IRAG1: variants seen among roughly 807,000 people sequenced by gnomAD.
IRAG1 encodes inositol 1,4,5-triphosphate receptor associated 1, also known as IP3R-associated cGMP kinase substrate.
In IRAG1, 62 loss-of-function variants were observed where a neutral mutation model predicts 106.2. That is an observed-to-expected ratio of 0.58 (90% CI 0.48 to 0.72). The LOEUF (loss-of-function observed/expected upper bound fraction) is 0.72. IRAG1 is among the 30% of genes least tolerant of loss of function. The pLI is 0.00. For synonymous variants in IRAG1, 462 were observed against 443.9 expected (o/e 1.04, Z -0.51); for missense variants, 1,064 against 1,140.7 (o/e 0.93, Z 0.97).
chr11:10,616,994 G>A (rs554852485), intron 10 of IRAG1: 2 of 982,118 alleles, frequency 2.0e-6, no homozygotes, highest in South Asian at 4.7e-5. Context: ...GTCCCAGGAT[G>A]GTTCCTAAAA....
intron 18 of IRAG1, among the ~76,000 whole-genome samples, chr11:10,584,865 A>G (rs1851788742): frequency 6.6e-6 from 1 of 152,042 alleles, no homozygotes; most frequent in East Asian, 1.9e-4. Flanking sequence ...GGAATATGGC[A>G]CTCAACAAAT....
chr11:10,686,450 C>G (rs1351425619), intron 1 of IRAG1, among the ~76,000 whole-genome samples: 1 of 152,192 alleles, frequency 6.6e-6, no homozygotes, highest in Admixed American at 6.5e-5. Context: ...GAGGAAGGAA[C>G]TTGTTCATAA....
chr11:10,693,270 C>T lies in IRAG1; in HGVS notation c.67+266G>A, dbSNP rs55730838. Among the ~76,000 whole-genome samples, 1,203 of 152,330 alleles carry T rather than the reference C, an allele frequency of 7.9e-3. 10 individuals are homozygous for T. Among genetic ancestry groups the T allele is most frequent in the African/African-American group, 0.028 (1,155 of 41,568 alleles). On this transcript the variant is annotated intron_variant, in intron 1 of 20. Transcript: ENST00000423302. ...AATCGCCTGTCAGGACCCACATTTT[C>T]ACCCTGAGCTGTGCACACTTTCCAA... is the stretch of plus-strand genomic sequence containing the variant.
chr11:10,643,582 A>G (rs1169627868), intron 2 of IRAG1, among the ~76,000 whole-genome samples: 2 of 152,192 alleles, frequency 1.3e-5, no homozygotes, highest in African/African-American at 4.8e-5. Context: ...TTCATCCGTC[A>G]TATCTACTAT....
At chr11:10,583,861 GTA>G (rs1450303171) in intron 18 of IRAG1, among the ~76,000 whole-genome samples, 1 of 152,164 alleles carries the variant, frequency 6.6e-6, no homozygotes, top group Non-Finnish European at 1.5e-5. Flanking sequence ...CTATGGGAAT[GTA>G]GCTTAGGTAT....
At chr11:10,643,733 C>T (rs1857721703) in intron 2 of IRAG1, among the ~76,000 whole-genome samples, 1 of 152,180 alleles carries the variant, frequency 6.6e-6, no homozygotes, top group African/African-American at 2.4e-5. Flanking sequence ...CCTTTCCATC[C>T]ATCCATCCCT....
At chr11:10,644,073 C>T (rs1442120942) in intron 2 of IRAG1, among the ~76,000 whole-genome samples, 1 of 152,238 alleles carries the variant, frequency 6.6e-6, no homozygotes, top group Non-Finnish European at 1.5e-5. Context: ...CTCTTGAGCT[C>T]TTTTTTATAA....
chr11:10,591,671 G>A, intron 17 of IRAG1, 59 bp from the exon 18 acceptor site: 1 of 1,451,968 alleles, frequency 6.9e-7, no homozygotes, highest in Non-Finnish European at 9.5e-7. Context: ...AGAAGCCAGA[G>A]CTGCTGGATT....
intron 3 of IRAG1, among the ~76,000 whole-genome samples, chr11:10,633,292 G>T (rs189636250): frequency 6.6e-6 from 1 of 151,994 alleles, no homozygotes; most frequent in Non-Finnish European, 1.5e-5. Flanking sequence ...AGCCAGGATG[G>T]TCTCGATCTC....
In IRAG1 at chr11:10,693,671, G is replaced by A. The variant is rs564348065; in HGVS notation, c.-69C>T. ...AGCCTCTGGCTGCAGAACCTCGGCC[G>A]CACGCCTCCTCTGAGAGGGGCTGGG... is the stretch of plus-strand genomic sequence containing the variant. On this transcript the variant is annotated 5_prime_UTR_variant, in exon 1 of 21. Coordinates refer to ENST00000423302, the MANE Select transcript of IRAG1 (RefSeq NM_130385.4). 12 of 1,495,626 alleles carry A rather than the reference G, an allele frequency of 8.0e-6. No homozygotes were observed. The highest frequency in any genetic ancestry group is 2.3e-4 in the Middle Eastern group (1 of 4,370). The allele number at this position is 1,495,626 out of a possible 1,614,324, so 92.6% of individuals were successfully genotyped here.
chr11:10,612,100 G>A (rs1855013755), intron 10 of IRAG1, among the ~76,000 whole-genome samples: 1 of 152,152 alleles, frequency 6.6e-6, no homozygotes, highest in African/African-American at 2.4e-5. Context: ...CACATGGAAA[G>A]CCCCAACCAC....
At chr11:10,683,064 C>T (rs1206883322) in intron 1 of IRAG1, among the ~76,000 whole-genome samples, 2 of 152,038 alleles carry the variant, frequency 1.3e-5, no homozygotes, top group Non-Finnish European at 2.9e-5. Flanking sequence ...AAAATAAAAA[C>T]CTTCAATTTT....
At chr11:10,576,784 T>C (rs1014863972) in intron 20 of IRAG1, among the ~76,000 whole-genome samples, 7 of 152,192 alleles carry the variant, frequency 4.6e-5, no homozygotes, top group African/African-American at 1.7e-4. Flanking sequence ...CAGGAATCAT[T>C]GGCTAAATTT....
intron 15 of IRAG1, among the ~76,000 whole-genome samples, chr11:10,600,323 C>G (rs1371738404): frequency 6.6e-6 from 1 of 152,208 alleles, no homozygotes; most frequent in Non-Finnish European, 1.5e-5. Flanking sequence ...TCCGTAACAT[C>G]TCCTTCAGCC....
intron 20 of IRAG1, among the ~76,000 whole-genome samples, chr11:10,578,130 G>T (rs943017647): frequency 6.6e-6 from 1 of 152,178 alleles, no homozygotes; most frequent in South Asian, 2.1e-4. Context: ...ACCTTAGCTG[G>T]TCACCCATGC....
At chr11:10,608,295 T>G (rs1190491180) in intron 11 of IRAG1, among the ~76,000 whole-genome samples, 18 of 152,022 alleles carry the variant, frequency 1.2e-4, no homozygotes. Flanking sequence ...TGGCTAATTT[T>G]TTATTTTTAT....
chr11:10,665,042 G>A lies in IRAG1; in HGVS notation c.68-12860C>T, dbSNP rs1859684203. 6.6e-6 allele frequency among the ~76,000 whole-genome samples: 1 copy of A among 152,238 alleles called. No individual in the cohort carries two copies. Among genetic ancestry groups the A allele is most frequent in the South Asian group, 2.1e-4 (1 of 4,822 alleles). On this transcript the variant is annotated intron_variant, in intron 1 of 20. Transcript: ENST00000423302. This position sits in a 1 kb window ranked among gnomAD's most constrained non-coding sequence, Gnocchi z 4.2. ...CACTTGCAATAAAGAGTTCCAACTG[G>A]TGCAAACAGCCTATCCTTTATAATG...
rs1854177266 is a variant in IRAG1, at chr11:10,603,176, G to A, written c.1819C>T (p.His607Tyr). ...QKLLEDIAVL[H>Y]RLAARLSSRA... ...CTGGAGAGGCGGGCAGCCAGGCGGT[G>A]CAGGACAGCGATGTCCTCCAGCAAC... is the stretch of plus-strand genomic sequence containing the variant. The change falls in exon 14 of 21, where the codon CAC becomes TAC. Residue 607 changes from histidine to tyrosine, a missense_variant. His to Tyr is a moderately conservative substitution (Grantham distance 83). Coordinates refer to ENST00000423302, the MANE Select transcript of IRAG1 (RefSeq NM_130385.4). 6.2e-7 allele frequency: 1 copy of A among 1,609,860 alleles called. No homozygotes were observed. Among genetic ancestry groups the A allele is most frequent in the African/African-American group, 1.3e-5 (1 of 74,990 alleles).
Position 10,626,170 on chromosome 11 carries a change from C to G in IRAG1, c.1164G>C (p.Pro388=), listed in dbSNP as rs375329031. The G allele has an allele frequency of 6.5e-7, 1 of 1,542,750 alleles. No homozygotes were observed. The highest frequency in any genetic ancestry group is 8.7e-7 in the Non-Finnish European group (1 of 1,144,174). The part of the protein sequence containing the change: ...AELPPTVSRP[P]LLRGLSWDSG... ...TGTCCCAGGAGAGCCCTCGCAGCAG[C>G]GGGGGCCGGGACACAGTGGGTGGAA... Residue 388 remains proline (P), a synonymous_variant, in exon 9 of 21, where the codon CCG becomes CCC. Transcript: ENST00000423302.
Sources: allele counts gnomAD v4.1 joint callset (sites outside exome capture counted in the v4.1 genomes callset), GRCh38; gene constraint gnomAD v4.1.1; non-coding constraint Gnocchi (gnomAD v3.1); transcripts MANE v1.5; gene names NCBI Gene and HGNC (gene_info 2026-07-23, HGNC 2026-07-21).